The following NELL1 variants were observed in gnomAD, a reference collection of about 807,000 sequenced individuals.
The protein encoded by NELL1 is neural EGFL like 1.
A neutral mutation model predicts 107.4 loss-of-function variants in NELL1; 76 were observed. That is an observed-to-expected ratio of 0.71 (90% CI 0.59 to 0.86). The LOEUF is 0.86. Ranked by LOEUF, NELL1 falls within the 40% of genes least tolerant of loss-of-function variation. The pLI, the probability that NELL1 is intolerant of heterozygous loss-of-function variation, is 0.00. For synonymous variants in NELL1, 353 were observed against 341.2 expected (o/e 1.03, Z -0.38); for missense variants, 1,024 against 1,005.5 (o/e 1.02, Z -0.25).
chr11:21,308,920 A>G (rs1326401714), intron 14 of NELL1, among the ~76,000 whole-genome samples: 1 of 151,954 alleles, frequency 6.6e-6, no homozygotes, highest in Non-Finnish European at 1.5e-5. Flanking sequence ...AAAAGAGTTT[A>G]GGAGCAAGAA....
chr11:21,204,225 C>T (rs1857337866), intron 13 of NELL1, among the ~76,000 whole-genome samples: 1 of 151,996 alleles, frequency 6.6e-6, no homozygotes, highest in Non-Finnish European at 1.5e-5. Flanking sequence ...GGTTCCATTC[C>T]CCTGTCACTT....
chr11:21,113,249 A>G (rs543510007), intron 12 of NELL1, among the ~76,000 whole-genome samples: 2 of 152,138 alleles, frequency 1.3e-5, no homozygotes, highest in East Asian at 3.9e-4. Flanking sequence ...CCTAATAAAT[A>G]TTCATTGATA....
At chr11:21,563,183 C>A (rs147782538) in intron 17 of NELL1, among the ~76,000 whole-genome samples, 8 of 152,184 alleles carry the variant, frequency 5.3e-5, no homozygotes, top group African/African-American at 1.9e-4. Context: ...TACAGCCCAG[C>A]GTCTTTTCAT....
rs970553815 is a variant in NELL1, at chr11:20,825,358, T to A, written c.336-22225T>A. 4.6e-5 allele frequency among the ~76,000 whole-genome samples: 7 copies of A among 151,126 alleles called. 1 individual carries two copies. Among genetic ancestry groups the A allele is most frequent in the Non-Finnish European group, 1.0e-4 (7 of 67,490 alleles). ...CAGAATGGTAGATCTACCGACATCT[T>A]GTGCCATGAACCTGGAAAAGTTGCA... On this transcript the variant is annotated intron_variant, in intron 3 of 19. Coordinates refer to ENST00000357134, the MANE Select transcript of NELL1 (RefSeq NM_006157.5).
chr11:21,074,655 C>T (rs1363673717), intron 12 of NELL1, among the ~76,000 whole-genome samples: 3 of 128,710 alleles, frequency 2.3e-5, no homozygotes, highest in African/African-American at 9.1e-5. Flanking sequence ...TTTAATTAGC[C>T]TTGGGTGGAA....
intron 12 of NELL1, among the ~76,000 whole-genome samples, chr11:21,085,759 C>T (rs1854377014): frequency 6.6e-6 from 1 of 152,092 alleles, no homozygotes; most frequent in Admixed American, 6.5e-5. Context: ...GAATAGGGGA[C>T]AGGACAGGCA....
At chr11:20,841,079 C>T (rs1848613018) in intron 3 of NELL1, among the ~76,000 whole-genome samples, 1 of 152,154 alleles carries the variant, frequency 6.6e-6, no homozygotes, top group Non-Finnish European at 1.5e-5. Flanking sequence ...CTCTAAATTT[C>T]ACTGGTTATT....
Position 20,814,420 on chromosome 11 carries a change from C to G in NELL1, c.335+30590C>G, listed in dbSNP as rs189554731. Among the ~76,000 whole-genome samples the G allele has an allele frequency of 1.7e-4, 26 of 152,292 alleles. 1 individual carries two copies. Among genetic ancestry groups the G allele is most frequent in the African/African-American group, 6.3e-4 (26 of 41,566 alleles). On this transcript the variant is annotated intron_variant, in intron 3 of 19. Coordinates refer to ENST00000357134, the MANE Select transcript of NELL1 (RefSeq NM_006157.5). ...ACCCAGGTGCTGAGCACAGTACCTA[C>G]TAGGAAGTTTTTCAGCCCTTGCCTC...
intron 12 of NELL1, among the ~76,000 whole-genome samples, chr11:21,050,554 A>G (rs967380467): frequency 6.6e-6 from 1 of 152,176 alleles, no homozygotes; most frequent in Non-Finnish European, 1.5e-5. Flanking sequence ...TAAATCTTCT[A>G]TGACACATAA....
intron 15 of NELL1, among the ~76,000 whole-genome samples, chr11:21,474,411 G>A (rs1168274518): frequency 6.6e-6 from 1 of 151,902 alleles, no homozygotes; most frequent in Non-Finnish European, 1.5e-5. Flanking sequence ...AAGAGAACAG[G>A]GACTTTTATC....
intron 12 of NELL1, among the ~76,000 whole-genome samples, chr11:21,094,939 C>A (rs1854606295): frequency 6.7e-6 from 1 of 148,984 alleles, no homozygotes; most frequent in African/African-American, 2.4e-5. Flanking sequence ...CAAATTTCTG[C>A]AGCTGGCTTG....
At chr11:20,731,886 G>A (rs1018447230) in intron 2 of NELL1, among the ~76,000 whole-genome samples, 1 of 152,206 alleles carries the variant, frequency 6.6e-6, no homozygotes, top group African/African-American at 2.4e-5. Context: ...ATGTGCATAT[G>A]TGTGGGTAAA....
chr11:21,289,592 G>A (rs114293931), intron 14 of NELL1, among the ~76,000 whole-genome samples: 3,012 of 152,278 alleles, frequency 0.02, 110 homozygotes, highest in African/African-American at 0.069. Flanking sequence ...GGCAGTTTGG[G>A]CAGACAGGGA....
At chr11:21,246,441 T>A (rs924023761) in intron 14 of NELL1, among the ~76,000 whole-genome samples, 12 of 152,148 alleles carry the variant, frequency 7.9e-5, no homozygotes, top group Non-Finnish European at 1.3e-4. Flanking sequence ...AGCATGGACA[T>A]GGATCTAATT....
chr11:21,377,598 G>A (rs1347871495), intron 15 of NELL1, among the ~76,000 whole-genome samples: 1 of 151,314 alleles, frequency 6.6e-6, no homozygotes, highest in Non-Finnish European at 1.5e-5. Flanking sequence ...TTGATTTTTT[G>A]GAATAGTTTT....
chr11:21,534,346 G>C, intron 15 of NELL1, 28 bp from the exon 16 acceptor site: 2 of 1,613,270 alleles, frequency 1.2e-6, no homozygotes, highest in East Asian at 2.2e-5. Context: ...TTAATATCCT[G>C]GTGGGCTTGT....
intron 14 of NELL1, among the ~76,000 whole-genome samples, chr11:21,310,804 A>T (rs1359048493): frequency 6.6e-6 from 1 of 152,018 alleles, no homozygotes; most frequent in Non-Finnish European, 1.5e-5. Flanking sequence ...TCCATGTTGG[A>T]GTGGAAGGGG....
At chr11:21,109,667 T>C (rs1855059077) in intron 12 of NELL1, among the ~76,000 whole-genome samples, 1 of 152,142 alleles carries the variant, frequency 6.6e-6, no homozygotes, top group African/African-American at 2.4e-5. Context: ...GAGTTATGAT[T>C]TTTGTTTTGT....
chr11:21,320,187 A>C (rs541795317), intron 14 of NELL1, among the ~76,000 whole-genome samples: 1 of 152,222 alleles, frequency 6.6e-6, no homozygotes, highest in South Asian at 2.1e-4. Flanking sequence ...TGGTTGCTCA[A>C]AACACTGGCT....
Sources: allele counts gnomAD v4.1 joint callset (sites outside exome capture counted in the v4.1 genomes callset), GRCh38; gene constraint gnomAD v4.1.1; transcripts MANE v1.5; gene names NCBI Gene and HGNC (gene_info 2026-07-23, HGNC 2026-07-21).